EPHA3: variants seen among roughly 807,000 people sequenced by gnomAD.
EPHA3 encodes ephrin type-A receptor 3.
A neutral mutation model predicts 107.1 loss-of-function variants in EPHA3; 42 were observed. The ratio of observed to expected loss-of-function variants is 0.39; its 90% CI spans 0.31 to 0.51. The LOEUF is 0.51. EPHA3 is among the 20% of genes least tolerant of loss of function. The probability of loss-of-function intolerance (pLI) is 0.78; values close to 1 mark genes in which losing one functional copy is unlikely to be tolerated. For missense variants in EPHA3, 1,183 were observed against 1,211.2 expected, an observed-to-expected ratio of 0.98 and a Z score of 0.35; for synonymous variants, 461 against 424.8, an observed-to-expected ratio of 1.09 and a Z score of -1.05.
At chr3:89,238,817 T>C (rs947010798) in intron 3 of EPHA3, among the ~76,000 whole-genome samples, 2 of 152,214 alleles carry the variant, frequency 1.3e-5, no homozygotes, top group Non-Finnish European at 2.9e-5. Context: ...TATTTAAAAT[T>C]AAACTACTCA....
chr3:89,254,362 A>G (rs565505944), intron 3 of EPHA3, among the ~76,000 whole-genome samples: 11 of 152,240 alleles, frequency 7.2e-5, no homozygotes, highest in Non-Finnish European at 1.3e-4. Context: ...TCAGTGATAC[A>G]TTTACTCTGA....
intron 2 of EPHA3, among the ~76,000 whole-genome samples, chr3:89,138,404 G>T (rs1219536581): frequency 6.6e-6 from 1 of 151,762 alleles, no homozygotes. Flanking sequence ...TAAAAGAGAT[G>T]ATACTAAAAC....
chr3:89,335,944 T>C (rs1334184807), intron 3 of EPHA3, among the ~76,000 whole-genome samples: 1 of 152,200 alleles, frequency 6.6e-6, no homozygotes, highest in African/African-American at 2.4e-5. Context: ...GATATGTGTG[T>C]ATCTGCCTTA....
chr3:89,215,839 C>A (rs1704209992), intron 3 of EPHA3, among the ~76,000 whole-genome samples: 2 of 151,808 alleles, frequency 1.3e-5, no homozygotes, highest in Admixed American at 1.3e-4. Flanking sequence ...AACACATTTT[C>A]TCTTTAAATA....
intron 7 of EPHA3, among the ~76,000 whole-genome samples, chr3:89,402,124 A>G (rs1576360483): frequency 6.6e-6 from 1 of 152,336 alleles, no homozygotes. Context: ...GTAAATTTGC[A>G]AAAACAATAT....
chr3:89,184,431 A>G (rs1705515077), intron 2 of EPHA3, among the ~76,000 whole-genome samples: 1 of 152,020 alleles, frequency 6.6e-6, no homozygotes, highest in African/African-American at 2.4e-5. Context: ...CATTGGCATT[A>G]ATCTAATTAC....
chr3:89,356,151 G>A (rs1211163950), intron 5 of EPHA3, among the ~76,000 whole-genome samples: 3 of 150,642 alleles, frequency 2.0e-5, no homozygotes, highest in South Asian at 2.1e-4. Context: ...TGTCCCTACA[G>A]AGGACATGAA....
At chr3:89,123,932 T>A (rs1704028708) in intron 1 of EPHA3, among the ~76,000 whole-genome samples, 1 of 152,142 alleles carries the variant, frequency 6.6e-6, no homozygotes, top group Admixed American at 6.5e-5. Flanking sequence ...TGGGAAGGGG[T>A]AACTTACAGC....
At chr3:89,234,552 T>C (rs757718435) in intron 3 of EPHA3, among the ~76,000 whole-genome samples, 5 of 152,200 alleles carry the variant, frequency 3.3e-5, no homozygotes, top group Non-Finnish European at 7.3e-5. Flanking sequence ...GGTGTCTTCC[T>C]TAGTAATGGG....
intron 2 of EPHA3, among the ~76,000 whole-genome samples, chr3:89,204,707 T>C (rs1576228494): frequency 6.6e-6 from 1 of 152,206 alleles, no homozygotes; most frequent in East Asian, 1.9e-4. Flanking sequence ...TTTTTGTAGA[T>C]ATATTTGTGC....
chr3:89,378,267 A>T (rs182711209), intron 5 of EPHA3, among the ~76,000 whole-genome samples: 10 of 152,252 alleles, frequency 6.6e-5, no homozygotes, highest in African/African-American at 7.2e-5. Flanking sequence ...ATAATAAAAA[A>T]TTTTTTAAGT....
chr3:89,143,387 T>C (rs1317321830), intron 2 of EPHA3, among the ~76,000 whole-genome samples: 8 of 151,470 alleles, frequency 5.3e-5, no homozygotes, highest in African/African-American at 1.9e-4. Context: ...ATTAGTAATG[T>C]ATAAGCACTT....
At chr3:89,147,494 T>C (rs749248384) in intron 2 of EPHA3, among the ~76,000 whole-genome samples, 1 of 151,878 alleles carries the variant, frequency 6.6e-6, no homozygotes, top group Non-Finnish European at 1.5e-5. Flanking sequence ...TAATTTTGCT[T>C]TGGCACCTCA....
chr3:89,178,567 C>T (rs1220325467), intron 2 of EPHA3, among the ~76,000 whole-genome samples: 1 of 151,912 alleles, frequency 6.6e-6, no homozygotes, highest in Non-Finnish European at 1.5e-5. Context: ...GTAGATAGTA[C>T]ACTATCTATG....
rs540267027 is a variant in EPHA3 at position 89,450,335 on chromosome 3, C to A, written c.2655C>A (p.Pro885=). The change falls in exon 15 of 17, where the codon CCC becomes CCA. Residue 885 remains proline, a synonymous_variant. Transcript: ENST00000336596. ...VSILDKLIRN[P]GSLKIITSAA... ...TTCTGGACAAGCTTATCCGGAATCCCGGCAGCCTGAAGATCATCACCAGTG... is the reference window on the plus strand; with the variant it reads ...TTCTGGACAAGCTTATCCGGAATCCAGGCAGCCTGAAGATCATCACCAGTG... 1.2e-6 allele frequency: 2 copies of A among 1,613,498 alleles called. No individual in the cohort carries two copies. The highest frequency in any genetic ancestry group is 3.3e-5 in the Admixed American group (2 of 59,928).
chr3:89,450,284 A>T lies in EPHA3; in HGVS notation c.2604A>T (p.Arg868Ser), dbSNP rs1380975088. ...LDCWQKDRNN[R>S]PKFEQIVSIL... The stretch of plus-strand genomic sequence containing the variant: ...GCTGGCAGAAAGACAGGAACAACAG[A>T]CCCAAGTTTGAGCAGATTGTTAGTA... The change falls in exon 15 of 17, where the codon AGA becomes AGT. Residue 868 changes from arginine to serine, a missense_variant. By Grantham distance (110) the Arg-to-Ser change is moderately radical (BLOSUM62 -1). Transcript: ENST00000336596. 6.2e-7 allele frequency: 1 copy of T among 1,614,028 alleles called. No homozygotes were observed. The highest frequency in any genetic ancestry group is 2.2e-5 in the East Asian group (1 of 44,848).
At chr3:89,156,852 T>C (rs1038781586) in intron 2 of EPHA3, among the ~76,000 whole-genome samples, 3 of 151,776 alleles carry the variant, frequency 2.0e-5, no homozygotes, top group Non-Finnish European at 4.4e-5. Context: ...TATCTTTACA[T>C]ATTCACTCAT....
chr3:89,271,709 G>T (rs551415219), intron 3 of EPHA3, among the ~76,000 whole-genome samples: 1 of 151,936 alleles, frequency 6.6e-6, no homozygotes, highest in Admixed American at 6.6e-5. Context: ...ATGAGAAGGG[G>T]AAGGAAAAGC....
intron 3 of EPHA3, among the ~76,000 whole-genome samples, chr3:89,269,350 G>T (rs1185708861): frequency 1.3e-5 from 2 of 152,032 alleles, no homozygotes; most frequent in Non-Finnish European, 2.9e-5. Flanking sequence ...GATATCATCT[G>T]AGAATATATT....
Sources: gnomAD v4.1 joint callset for allele counts (sites outside exome capture counted in the v4.1 genomes callset) on GRCh38, gnomAD v4.1.1 for gene constraint, MANE v1.5 for transcripts, NCBI Gene and HGNC (gene_info 2026-07-23, HGNC 2026-07-21) for gene names.